COG6: variants seen among roughly 807,000 people sequenced by gnomAD.
The protein encoded by COG6 is component of oligomeric golgi complex 6, also known as conserved oligomeric Golgi complex subunit 6.
A neutral mutation model predicts 88.8 loss-of-function variants in COG6; 74 were observed. The observed-to-expected ratio is 0.83, with a 90% CI of 0.69 to 1.01. The LOEUF (loss-of-function observed/expected upper bound fraction) is 1.01. COG6 is among the 50% of genes least tolerant of loss of function. The pLI is 0.00. For missense variants in COG6, 800 were observed against 797.9 expected, an observed-to-expected ratio of 1.00 and a Z score of -0.03; for synonymous variants, 286 against 278.7, an observed-to-expected ratio of 1.03 and a Z score of -0.26.
chr13:39,694,991 C>A (rs961333527), intron 12 of COG6, among the ~76,000 whole-genome samples: 7 of 128,262 alleles, frequency 5.5e-5, no homozygotes, highest in South Asian at 4.8e-4. Context: ...ACACACACAC[C>A]CCTTATATAG....
chr13:39,791,398 G>T (rs1476669277), exon 19 of COG6: 2 of 151,834 alleles, frequency 1.3e-5, no homozygotes, highest in East Asian at 3.9e-4. Flanking sequence ...AATGATCTAG[G>T]CATTGATTCT....
rs1330196555 is a variant in COG6 at position 39,751,601 on chromosome 13, T to G, written c.*508T>G. The G allele has an allele frequency of 7.8e-7, 1 of 1,287,036 alleles. No individual in the cohort carries two copies. Among genetic ancestry groups the G allele is most frequent in the Non-Finnish European group, 1.0e-6 (1 of 988,684 alleles). The allele number at this position is 1,287,036 out of a possible 1,614,324, so 79.7% of individuals were successfully genotyped here. The stretch of plus-strand genomic sequence containing the variant: ...CCCAAAATAGCTGCCCTTAAAGAGT[T>G]GTTAGCAGAGAGAAAAATAACAGTG... On this transcript the variant is annotated 3_prime_UTR_variant, in exon 19 of 19. Transcript: ENST00000455146.
chr13:39,757,263 G>C (rs1419498717), downstream of COG6, among the ~76,000 whole-genome samples: 1 of 152,122 alleles, frequency 6.6e-6, no homozygotes, highest in Non-Finnish European at 1.5e-5. Flanking sequence ...AAGGAAACTA[G>C]AAAATACTCT....
intron 18 of COG6, among the ~76,000 whole-genome samples, chr13:39,783,074 A>G (rs1566048370): frequency 6.6e-6 from 1 of 152,226 alleles, no homozygotes; most frequent in Non-Finnish European, 1.5e-5. Flanking sequence ...AGTGGCTCAC[A>G]TTAATTATGT....
At chr13:39,671,040 T>C (rs7327674) in intron 4 of COG6, among the ~76,000 whole-genome samples, 109,705 of 151,792 alleles carry the variant, frequency 0.72, 39,926 homozygotes, top group Admixed American at 0.81. Flanking sequence ...TTCTTTCTTC[T>C]TGTCTCATTT....
chr13:39,693,984 T>G (rs1250658164), intron 11 of COG6, among the ~76,000 whole-genome samples: 1 of 151,844 alleles, frequency 6.6e-6, no homozygotes, highest in East Asian at 1.9e-4. Context: ...CATTTATCAG[T>G]GTAGTTTAGA....
At chr13:39,737,689 T>G (rs984006323) in intron 18 of COG6, among the ~76,000 whole-genome samples, 2 of 151,858 alleles carry the variant, frequency 1.3e-5, no homozygotes, top group Non-Finnish European at 2.9e-5. Flanking sequence ...GCACCCCAAG[T>G]CCACTGGCTC....
Position 39,773,036 on chromosome 13 carries a change from C to T in COG6, c.1827-15299C>T, listed in dbSNP as rs147995598. On this transcript the variant is annotated intron_variant, in intron 18 of 18. Transcript: ENST00000416691. ...TAGACCTGGGTCTCTGTTTATTAGT[C>T]GAGAATCGGAAGGGCTTTAGAGATG... Among the ~76,000 whole-genome samples the T allele has an allele frequency of 1.8e-4, 27 of 152,256 alleles. No individual in the cohort carries two copies. The East Asian group carries it at 3.9e-3, about 22-fold the overall frequency.
chr13:39,727,988 T>A (rs1879227541), intron 18 of COG6, among the ~76,000 whole-genome samples: 1 of 152,138 alleles, frequency 6.6e-6, no homozygotes, highest in Non-Finnish European at 1.5e-5. Flanking sequence ...AGGAATGTAT[T>A]CAGGACACCA....
At chr13:39,694,581 A>G in intron 11 of COG6, 53 bp from the exon 12 acceptor site, 2 of 1,142,404 alleles carry the variant, frequency 1.8e-6, no homozygotes, top group Non-Finnish European at 1.3e-6. Context: ...TTATTAATGA[A>G]AAAAAGTTAT....
At chr13:39,735,027 G>T (rs1291768494) in intron 18 of COG6, among the ~76,000 whole-genome samples, 1 of 151,740 alleles carries the variant, frequency 6.6e-6, no homozygotes. Flanking sequence ...GTAGGCAACA[G>T]ATTTTTGGGT....
chr13:39,717,888 ATAGT>A (rs1276970202), intron 13 of COG6, among the ~76,000 whole-genome samples: 4 of 152,058 alleles, frequency 2.6e-5, no homozygotes, highest in East Asian at 1.9e-4. Flanking sequence ...ACAAAACCCT[ATAGT>A]TAATTTTTCA....
At chr13:39,784,540 G>A (rs962600876) in intron 18 of COG6, among the ~76,000 whole-genome samples, 3 of 152,232 alleles carry the variant, frequency 2.0e-5, no homozygotes, top group African/African-American at 4.8e-5. Context: ...AGTTCACTGA[G>A]TTGGAATTTG....
intron 15 of COG6, 32 bp downstream of exon 15, chr13:39,719,859 T>G (rs769065407): frequency 6.5e-7 from 1 of 1,541,342 alleles, no homozygotes; most frequent in Non-Finnish European, 8.9e-7. Flanking sequence ...CTATTGACTA[T>G]GATTGAATCT....
At chr13:39,771,418 C>T (rs1015736604) in intron 18 of COG6, among the ~76,000 whole-genome samples, 7 of 152,148 alleles carry the variant, frequency 4.6e-5, no homozygotes, top group Non-Finnish European at 8.8e-5. Context: ...ACTGGTGGCT[C>T]ACCCGCTGCC....
At chr13:39,712,608 T>C (rs746140162) in intron 13 of COG6, among the ~76,000 whole-genome samples, 41 of 152,238 alleles carry the variant, frequency 2.7e-4, no homozygotes, top group Admixed American at 1.6e-3. Context: ...TCTAATCTGT[T>C]TGAAGTAGAC....
chr13:39,738,995 C>T lies in COG6; in HGVS notation c.1826+11447C>T, dbSNP rs561683737. Among the ~76,000 whole-genome samples, 22 of 152,130 alleles carry T rather than the reference C, an allele frequency of 1.4e-4. No homozygotes were observed. In the South Asian group the frequency reaches 4.4e-3, roughly 30 times the overall value. Reference sequence around the variant, plus strand: ...AAAAAAATAGGAAATTAACATGATGCTTCATAGTTGAACAGTACTACCAAT... The same window carrying T: ...AAAAAAATAGGAAATTAACATGATGTTTCATAGTTGAACAGTACTACCAAT... On this transcript the variant is annotated intron_variant, in intron 18 of 18. Coordinates refer to ENST00000455146, the MANE Select transcript of COG6 (RefSeq NM_020751.3).
chr13:39,742,567 AT>A (rs1392842316), intron 18 of COG6, among the ~76,000 whole-genome samples: 1 of 152,006 alleles, frequency 6.6e-6, no homozygotes, highest in Admixed American at 6.6e-5. Flanking sequence ...TCCTAAATAT[AT>A]ATGCACCCAA....
intron 5 of COG6, chr13:39,678,210 G>T (rs1876092720): frequency 3.0e-6 from 1 of 336,040 alleles, no homozygotes; most frequent in African/African-American, 2.2e-5. Context: ...AGGGTATCCA[G>T]GCATGCACCA....
Sources: allele counts gnomAD v4.1 joint callset (sites outside exome capture counted in the v4.1 genomes callset), GRCh38; gene constraint gnomAD v4.1.1; transcripts MANE v1.5; gene names NCBI Gene and HGNC (gene_info 2026-07-23, HGNC 2026-07-21).